The following WIPI1 variants were observed in gnomAD, a reference collection of about 807,000 sequenced individuals.
The protein encoded by WIPI1 is WD repeat domain phosphoinositide-interacting protein 1.
WIPI1 carries 45 observed loss-of-function variants against 55.3 expected under a neutral mutation model. The ratio of observed to expected loss-of-function variants is 0.81; its 90% confidence interval spans 0.64 to 1.04. The LOEUF (loss-of-function observed/expected upper bound fraction) is 1.04, where lower values mean the gene tolerates loss of function less well. Ranked by LOEUF, WIPI1 falls within the 50% of genes least tolerant of loss-of-function variation. The probability of loss-of-function intolerance (pLI) is 0.00; values close to 1 mark genes in which losing one functional copy is unlikely to be tolerated. For synonymous variants in WIPI1, 195 were observed against 217.6 expected (o/e 0.90, Z 0.92); for missense variants, 445 against 559.0 (o/e 0.80, Z 2.06).
At position 68,444,503 on chromosome 17, in the gene WIPI1, T is replaced by G; in HGVS notation, c.420A>C (p.Ala140=). 1 of 1,613,882 alleles carries G rather than the reference T, an allele frequency of 6.2e-7. No homozygotes were observed. The highest frequency in any genetic ancestry group is 8.5e-7 in the Non-Finnish European group (1 of 1,179,944). The change falls in exon 4 of 13, where the codon GCA becomes GCC. Residue 140 remains alanine, a synonymous_variant. Transcript: ENST00000262139. Reference sequence around the variant, plus strand: ...ATTTTTGGAGCTCACCTGTTGGGTTTGCAGGAATATCCAGGAGGGTCTTCA... The same window carrying G: ...ATTTTTGGAGCTCACCTGTTGGGTTGGCAGGAATATCCAGGAGGGTCTTCA... ...KLLKTLLDIP[A]NPTGLCALSI...
chr17:68,433,455 G>T lies in WIPI1; in HGVS notation c.800+13C>A. On this transcript the variant is annotated intron_variant, in intron 8 of 12. Transcript: ENST00000262139. Reference sequence around the variant, plus strand: ...TCGTTTAATGAGCATTTGGTGCCCCGCGGAGTACTTGCCTGTTGGTGACCT... The same window carrying T: ...TCGTTTAATGAGCATTTGGTGCCCCTCGGAGTACTTGCCTGTTGGTGACCT... 1 of 1,611,342 alleles carries T rather than the reference G, an allele frequency of 6.2e-7. No homozygotes were observed. Among genetic ancestry groups the T allele is most frequent in the Non-Finnish European group, 8.5e-7 (1 of 1,177,634 alleles).
intron 4 of WIPI1, among the ~76,000 whole-genome samples, chr17:68,438,825 C>A (rs910245649): frequency 6.6e-6 from 1 of 152,214 alleles, no homozygotes; most frequent in Non-Finnish European, 1.5e-5. Flanking sequence ...GTCTCGAACT[C>A]GTGACCTCAG....
At chr17:68,427,349 G>A in intron 10 of WIPI1, 96 bp from the exon 11 acceptor site, 1 of 904,378 alleles carries the variant, frequency 1.1e-6, no homozygotes, top group Non-Finnish European at 1.7e-6. Context: ...CCTGTGCTCA[G>A]CTCTGTGGGT....
chr17:68,455,888 T>C (rs1215786782), intron 1 of WIPI1, among the ~76,000 whole-genome samples: 2 of 152,192 alleles, frequency 1.3e-5, no homozygotes, highest in Non-Finnish European at 2.9e-5. Flanking sequence ...TTGTGTTCAA[T>C]TGGGAAGGAA....
intron 4 of WIPI1, among the ~76,000 whole-genome samples, chr17:68,443,008 C>T (rs752978833): frequency 1.3e-5 from 2 of 152,234 alleles, no homozygotes; most frequent in Non-Finnish European, 2.9e-5. Flanking sequence ...AGCTTCTTCA[C>T]GTACCGTCTT....
At position 68,421,502 on chromosome 17, in the gene WIPI1, A is replaced by G; in HGVS notation, c.*271T>C. 2.1e-6 allele frequency: 1 copy of G among 468,284 alleles called. No homozygotes were observed. Among genetic ancestry groups the G allele is most frequent in the South Asian group, 3.1e-5 (1 of 31,844 alleles). 29.0% of individuals were successfully genotyped at this position (468,284 alleles called of 1,614,324 possible). ...CCTTTTAATATAAAATTCCGGTTATATACCAATATGGTTAATTAGCATTTA... is the reference window on the plus strand; with the variant it reads ...CCTTTTAATATAAAATTCCGGTTATGTACCAATATGGTTAATTAGCATTTA... On this transcript the variant is annotated 3_prime_UTR_variant, in exon 13 of 13. Transcript: ENST00000262139.
chr17:68,433,585 C>T lies in WIPI1; in HGVS notation c.693-10G>A, dbSNP rs1379510855. 6 of 1,610,066 alleles carry T rather than the reference C, an allele frequency of 3.7e-6. No individual in the cohort carries two copies. The Admixed American group carries it at 8.3e-5, about 22-fold the overall frequency. ...GCTGATTGTCACATACCTACAAGCA[C>T]AGCAACACATGGGTCAGTGAGCAAG... On this transcript the variant is annotated splice_polypyrimidine_tract_variant and intron_variant, in intron 7 of 12. Coordinates refer to ENST00000262139, the MANE Select transcript of WIPI1 (RefSeq NM_017983.7).
At chr17:68,456,832 G>A (rs999345830) in intron 1 of WIPI1, among the ~76,000 whole-genome samples, 1 of 152,194 alleles carries the variant, frequency 6.6e-6, no homozygotes, top group Non-Finnish European at 1.5e-5. Flanking sequence ...GCAGGGATAG[G>A]CTGCCTCTTT....
intron 8 of WIPI1, among the ~76,000 whole-genome samples, chr17:68,430,548 A>G (rs1714167301): frequency 6.6e-6 from 1 of 152,198 alleles, no homozygotes; most frequent in South Asian, 2.1e-4. Context: ...TCATGGAAGA[A>G]CAGACAGATC....
chr17:68,424,643 A>T, intron 12 of WIPI1: 1 of 392,284 alleles, frequency 2.5e-6, no homozygotes, highest in South Asian at 1.9e-5. Context: ...TGGGAGGCCG[A>T]GACGAGTGGA....
chr17:68,445,882 A>AG lies in WIPI1; in HGVS notation c.334-1294dup, dbSNP rs571805856. 4.7e-4 allele frequency among the ~76,000 whole-genome samples: 72 copies of AG among 152,242 alleles called. 2 individuals are homozygous for AG. The Middle Eastern group carries it at 0.024, about 50-fold the overall frequency. ...GTTTCTTAGACCTGGATGCCCAAGG[A>AG]GCTGCCCAAGGAGCAAGCCCTGGGC... On this transcript the variant is annotated intron_variant, in intron 3 of 12. Transcript: ENST00000262139.
chr17:68,457,152 G>C (rs1025851782), intron 1 of WIPI1, among the ~76,000 whole-genome samples, 190 bp downstream of exon 1: 2 of 152,122 alleles, frequency 1.3e-5, no homozygotes, highest in Non-Finnish European at 2.9e-5. Context: ...GAGTGGGGTG[G>C]GGTGGGGGGT....
intron 4 of WIPI1, among the ~76,000 whole-genome samples, chr17:68,438,197 T>C (rs1007295643): frequency 6.6e-6 from 1 of 152,098 alleles, no homozygotes; most frequent in Non-Finnish European, 1.5e-5. Context: ...CATGCATAGC[T>C]ACGGGAGGAA....
intron 6 of WIPI1, 58 bp downstream of exon 6, chr17:68,435,562 G>T: frequency 1.3e-6 from 2 of 1,530,106 alleles, no homozygotes; most frequent in Non-Finnish European, 1.8e-6. Context: ...CCATCCCTGC[G>T]CACGGCAGGA....
At chr17:68,436,602 G>C (rs2083801012) in intron 4 of WIPI1, 123 bp from the exon 5 acceptor site, 3 of 788,116 alleles carry the variant, frequency 3.8e-6, no homozygotes, top group Non-Finnish European at 6.0e-6. Flanking sequence ...GAATGGCTTT[G>C]CAGACAACTG....
At position 68,430,776 on chromosome 17, in the gene WIPI1, G is replaced by A. The variant is rs150616861; in HGVS notation, c.801-616C>T. On this transcript the variant is annotated intron_variant, in intron 8 of 12. Transcript: ENST00000262139. ...AAGGGGGTGACTGTTCTGTTGGTGA[G>A]AGACAACCCCCAGCTCTGCCCCACA... 3.2e-3 allele frequency among the ~76,000 whole-genome samples: 481 copies of A among 152,298 alleles called. 4 individuals are homozygous for A. Among genetic ancestry groups the A allele is most frequent in the African/African-American group, 0.011 (455 of 41,558 alleles).
intron 4 of WIPI1, among the ~76,000 whole-genome samples, chr17:68,440,500 G>GA (rs1178149680): frequency 2.6e-4 from 40 of 152,006 alleles, no homozygotes; most frequent in South Asian, 1.7e-3. Flanking sequence ...AATATAAGGA[G>GA]AAAAAAAATC....
At chr17:68,427,353 T>G in intron 10 of WIPI1, 100 bp from the exon 11 acceptor site, 6 of 884,578 alleles carry the variant, frequency 6.8e-6, no homozygotes, top group East Asian at 5.0e-5. Flanking sequence ...TGCTCAGCTC[T>G]GTGGGTTATT....
chr17:68,422,490 A>C (rs1039133787), intron 12 of WIPI1: 1 of 148,704 alleles, frequency 6.7e-6, no homozygotes, highest in South Asian at 2.2e-4. Flanking sequence ...CCAGCACTTT[A>C]GGAGGCTGAG....
Sources: gnomAD v4.1 joint callset for allele counts (sites outside exome capture counted in the v4.1 genomes callset) on GRCh38, gnomAD v4.1.1 for gene constraint, MANE v1.5 for transcripts, NCBI Gene and HGNC (gene_info 2026-07-23, HGNC 2026-07-21) for gene names.